Variants in CARMIL1 observed in about 807,000 individuals in gnomAD.
CARMIL1 encodes the protein capping protein regulator and myosin 1 linker 1, also known as F-actin-uncapping protein LRRC16A.
Under a neutral mutation model 177.1 loss-of-function variants are expected in CARMIL1, and 90 were observed. The ratio of observed to expected loss-of-function variants is 0.51; its 90% CI spans 0.43 to 0.61. The LOEUF is 0.61. Among genes scored for constraint, CARMIL1 ranks in the 20% least tolerant of loss-of-function variants. CARMIL1 has a pLI of 0.00. For synonymous variants in CARMIL1, 577 were observed against 606.2 expected, an observed-to-expected ratio of 0.95 and a Z score of 0.71; for missense variants, 1,380 against 1,667.0, an observed-to-expected ratio of 0.83 and a Z score of 3.00.
chr6:25,311,592 G>T (rs1181777993), intron 2 of CARMIL1, among the ~76,000 whole-genome samples: 1 of 152,108 alleles, frequency 6.6e-6, no homozygotes, highest in African/African-American at 2.4e-5. Context: ...TTAAGCCCCA[G>T]TTCCCACCCC....
intron 2 of CARMIL1, 25 bp from the exon 3 acceptor site, chr6:25,420,089 T>C: frequency 6.2e-7 from 1 of 1,603,710 alleles, no homozygotes; most frequent in Non-Finnish European, 8.5e-7. Context: ...GTGCTTATAC[T>C]GATGCTGCTG....
At chr6:25,285,044 T>G in intron 2 of CARMIL1, 135 bp downstream of exon 2, 1 of 594,714 alleles carries the variant, frequency 1.7e-6, no homozygotes, top group South Asian at 2.4e-5. Context: ...CCATTTTGTC[T>G]TAGGTTAATT....
chr6:25,330,511 G>A (rs111273508), intron 2 of CARMIL1, among the ~76,000 whole-genome samples: 3,227 of 152,206 alleles, frequency 0.021, 50 homozygotes, highest in Non-Finnish European at 0.027. Context: ...GACCAGGAAG[G>A]TTTCAACCAA....
chr6:25,429,394 G>T (rs778398478), intron 4 of CARMIL1, among the ~76,000 whole-genome samples: 1 of 152,108 alleles, frequency 6.6e-6, no homozygotes, highest in African/African-American at 2.4e-5. Flanking sequence ...TGACCCAGGC[G>T]TCTCCTGTCT....
intron 26 of CARMIL1, among the ~76,000 whole-genome samples, chr6:25,545,541 A>G (rs1375571564): frequency 1.3e-5 from 2 of 152,194 alleles, no homozygotes; most frequent in Non-Finnish European, 2.9e-5. Context: ...AAGTAAAACA[A>G]TGATGAAGAA....
intron 2 of CARMIL1, among the ~76,000 whole-genome samples, chr6:25,410,848 A>G (rs754360375): frequency 6.6e-6 from 1 of 152,174 alleles, no homozygotes; most frequent in Admixed American, 6.5e-5. Flanking sequence ...GAAACTAAGA[A>G]TAAGCCCTAA....
intron 4 of CARMIL1, among the ~76,000 whole-genome samples, chr6:25,433,830 T>C (rs922365193): frequency 6.6e-6 from 1 of 152,258 alleles, no homozygotes; most frequent in African/African-American, 2.4e-5. Flanking sequence ...TTTGATCTCA[T>C]CATTTTGACA....
chr6:25,319,764 CTTTTTTTTTT>C (rs10625095), intron 2 of CARMIL1, among the ~76,000 whole-genome samples: 4 of 118,700 alleles, frequency 3.4e-5, no homozygotes, highest in South Asian at 2.9e-4. Context: ...CATTTGGTCA[CTTTTTTTTTT>C]TTTTTTTTTT....
chr6:25,411,176 T>C (rs1204165788), intron 2 of CARMIL1, among the ~76,000 whole-genome samples: 1 of 152,230 alleles, frequency 6.6e-6, no homozygotes, highest in Non-Finnish European at 1.5e-5. Flanking sequence ...TGAGGTCTCT[T>C]AGCACACATG....
chr6:25,300,419 C>A (rs998241006), intron 2 of CARMIL1, among the ~76,000 whole-genome samples: 3 of 152,224 alleles, frequency 2.0e-5, no homozygotes, highest in Non-Finnish European at 4.4e-5. Context: ...GTAATCCCAG[C>A]AGTTTGGAAG....
intron 5 of CARMIL1, among the ~76,000 whole-genome samples, chr6:25,440,819 C>T (rs1797678930): frequency 6.6e-6 from 1 of 151,706 alleles, no homozygotes; most frequent in Non-Finnish European, 1.5e-5. Context: ...CTCATTTGTC[C>T]CATCAAATTT....
intron 13 of CARMIL1, among the ~76,000 whole-genome samples, chr6:25,489,755 A>T (rs991578324): frequency 5.3e-5 from 8 of 152,096 alleles, no homozygotes; most frequent in Non-Finnish European, 8.8e-5. Flanking sequence ...TCTCCCTTGA[A>T]CTTAAAATTA....
chr6:25,555,031 A>C (rs1208530620), intron 28 of CARMIL1, among the ~76,000 whole-genome samples: 1 of 152,190 alleles, frequency 6.6e-6, no homozygotes, highest in East Asian at 1.9e-4. Flanking sequence ...GCACAATTCA[A>C]ATGCTGCCTG....
chr6:25,487,584 A>C (rs1008534437), intron 12 of CARMIL1, among the ~76,000 whole-genome samples: 8 of 152,222 alleles, frequency 5.3e-5, no homozygotes, highest in Non-Finnish European at 1.2e-4. Flanking sequence ...GCTATCTCGC[A>C]CATTCCCATT....
At position 25,581,248 on chromosome 6, in the gene CARMIL1, G is replaced by A; in HGVS notation, c.2815G>A (p.Glu939Lys). The A allele has an allele frequency of 6.2e-7, 1 of 1,609,830 alleles. No individual in the cohort carries two copies. Among genetic ancestry groups the A allele is most frequent in the Middle Eastern group, 1.7e-4 (1 of 6,050 alleles). Residue 939 changes from glutamate to lysine, a missense_variant, in exon 31 of 37, where the codon GAG (glutamate) becomes AAG (lysine). Glu to Lys is a moderately conservative substitution (Grantham distance 56). Transcript: ENST00000329474. ...LRPVSRAFEM[E>K]FDLDKALEEV... ...TTTTTTGTTTTTAATTTTAGAAATG[G>A]AGTTTGATCTAGATAAAGCGCTGGA...
chr6:25,495,078 T>G, intron 15 of CARMIL1, 33 bp from the exon 16 acceptor site: 1 of 1,258,150 alleles, frequency 7.9e-7, no homozygotes, highest in Non-Finnish European at 1.2e-6. Context: ...GATGAAGGTG[T>G]AACCGCTTGT....
Position 25,486,731 on chromosome 6 carries a change from G to A in CARMIL1, c.962-1751G>A, listed in dbSNP as rs544473957. 3.3e-5 allele frequency among the ~76,000 whole-genome samples: 5 copies of A among 152,078 alleles called. No homozygotes were observed. The South Asian group carries it at 1.0e-3, about 32-fold the overall frequency. On this transcript the variant is annotated intron_variant, in intron 12 of 36. Transcript: ENST00000329474. ...GCCAAGCTTTTGTTCTTGCCCCATT[G>A]ATAATTATTGCCTCACTGGGTAGTG...
intron 2 of CARMIL1, among the ~76,000 whole-genome samples, chr6:25,404,482 C>T (rs998994065): frequency 1.3e-5 from 2 of 152,092 alleles, no homozygotes; most frequent in African/African-American, 2.4e-5. Flanking sequence ...AGAGGCTGGG[C>T]GCGGTGGCTC....
chr6:25,531,895 C>G (rs1432415946), intron 24 of CARMIL1, among the ~76,000 whole-genome samples: 1 of 151,526 alleles, frequency 6.6e-6, no homozygotes, highest in Non-Finnish European at 1.5e-5. Flanking sequence ...TTCAGCTTCC[C>G]GAGTAGCTGG....
Sources: allele counts gnomAD v4.1 joint callset (sites outside exome capture counted in the v4.1 genomes callset), GRCh38; gene constraint gnomAD v4.1.1; transcripts MANE v1.5; gene names NCBI Gene and HGNC (gene_info 2026-07-23, HGNC 2026-07-21).